DGLUCY: variants seen among roughly 807,000 people sequenced by gnomAD.
The protein encoded by DGLUCY is D-glutamate cyclase, mitochondrial.
Under a neutral mutation model 58.5 loss-of-function variants are expected in DGLUCY, and 58 were observed. That is an observed-to-expected ratio of 0.99 (90% confidence interval 0.80 to 1.23). The LOEUF is 1.23. DGLUCY is among the 50% of genes most tolerant of loss of function. The pLI, the probability that DGLUCY is intolerant of heterozygous loss-of-function variation, is 0.00. For missense variants in DGLUCY, 779 were observed against 784.7 expected (o/e 0.99, Z 0.09); for synonymous variants, 325 against 314.1 (o/e 1.03, Z -0.37).
At chr14:91,172,811 G>A (rs562020112) in intron 5 of DGLUCY, among the ~76,000 whole-genome samples, 1 of 151,952 alleles carries the variant, frequency 6.6e-6, no homozygotes, top group African/African-American at 2.4e-5. Context: ...CATGCCCGGC[G>A]AACTTTTGTA....
chr14:91,093,085 A>T lies in DGLUCY; in HGVS notation c.-82+32381A>T, dbSNP rs376796973. Among the ~76,000 whole-genome samples, 928 of 147,438 alleles carry T rather than the reference A, an allele frequency of 6.3e-3. 4 individuals carry two copies. The highest frequency in any genetic ancestry group is 0.011 in the Middle Eastern group (3 of 280). On this transcript the variant is annotated intron_variant, in intron 1 of 4. Coordinates refer to the DGLUCY transcript ENST00000521334. The stretch of plus-strand genomic sequence containing the variant: ...GGCCACAGAGTGAAACTCAGTCTCA[A>T]AAAAAAAAAAAAAAAGATAATTTGT...
At chr14:91,077,854 T>G in intron 1 of DGLUCY, among the ~76,000 whole-genome samples, 6 of 136,728 alleles carry the variant, frequency 4.4e-5, no homozygotes, top group East Asian at 2.2e-4. Context: ...AAGAGAGGAA[T>G]GAAGGAAGAA....
At chr14:91,085,466 C>T (rs146351496) in intron 1 of DGLUCY, among the ~76,000 whole-genome samples, 16 of 151,912 alleles carry the variant, frequency 1.1e-4, no homozygotes, top group African/African-American at 2.7e-4. Flanking sequence ...TCTTATGAGT[C>T]GGTACAGTTG....
intron 13 of DGLUCY, chr14:91,220,456 G>A (rs1421187073): frequency 8.8e-6 from 4 of 455,998 alleles, no homozygotes; most frequent in Admixed American, 2.3e-5. Flanking sequence ...GGCTGGGGCA[G>A]GTGTCAGGGT....
chr14:91,160,605 C>T (rs760468118), intron 3 of DGLUCY, among the ~76,000 whole-genome samples: 2 of 152,042 alleles, frequency 1.3e-5, no homozygotes, highest in Non-Finnish European at 1.5e-5. Flanking sequence ...GTATGGAAAC[C>T]CATCAGATGG....
chr14:91,160,562 C>T (rs773163781), intron 3 of DGLUCY, among the ~76,000 whole-genome samples, 165 bp downstream of exon 3: 2 of 151,948 alleles, frequency 1.3e-5, no homozygotes, highest in Non-Finnish European at 2.9e-5. Context: ...TTTAACTGCT[C>T]AGAAGAAACT....
At chr14:91,163,945 G>C (rs1468499780) in intron 3 of DGLUCY, among the ~76,000 whole-genome samples, 1 of 152,118 alleles carries the variant, frequency 6.6e-6, no homozygotes, top group Admixed American at 6.6e-5. Flanking sequence ...TTCTCCAATA[G>C]AGCATAATAA....
chr14:91,170,335 T>C, intron 5 of DGLUCY, 134 bp downstream of exon 5: 1 of 988,054 alleles, frequency 1.0e-6, no homozygotes, highest in Non-Finnish European at 1.5e-6. Context: ...CAGCCATTTC[T>C]AGCTGTGCAA....
chr14:91,175,456 C>T (rs1383141308), intron 6 of DGLUCY, among the ~76,000 whole-genome samples: 1 of 152,154 alleles, frequency 6.6e-6, no homozygotes, highest in Non-Finnish European at 1.5e-5. Context: ...GATTCAGGGC[C>T]ACCCACCAGG....
At chr14:91,149,691 T>C (rs1478961299) in intron 1 of DGLUCY, among the ~76,000 whole-genome samples, 1 of 152,250 alleles carries the variant, frequency 6.6e-6, no homozygotes, top group Non-Finnish European at 1.5e-5. Context: ...AGCAAACACG[T>C]GTGCTCTAGT....
Position 91,225,126 on chromosome 14 carries a change from T to G in DGLUCY, c.*293T>G. On this transcript the variant is annotated 3_prime_UTR_variant, in exon 14 of 14. Transcript: ENST00000256324. ...TCTTCAGGCAACCCACGTGGTCTCC[T>G]GTGAGAATCTTCTCGACAGTTACTT... 4.0e-6 allele frequency: 1 copy of G among 252,778 alleles called. No homozygotes were observed. Among genetic ancestry groups the G allele is most frequent in the South Asian group, 1.1e-4 (1 of 8,824 alleles). 15.7% of individuals were successfully genotyped at this position (252,778 alleles called of 1,614,324 possible).
chr14:91,103,471 A>G (rs1450470905), upstream of DGLUCY, among the ~76,000 whole-genome samples: 1 of 152,080 alleles, frequency 6.6e-6, no homozygotes, highest in Admixed American at 6.6e-5. Flanking sequence ...AATAGAAGCC[A>G]ACAGATGGGA....
chr14:91,085,949 A>G (rs556591513), intron 1 of DGLUCY, among the ~76,000 whole-genome samples: 1 of 152,224 alleles, frequency 6.6e-6, no homozygotes, highest in East Asian at 1.9e-4. Flanking sequence ...CCTCTTAGGA[A>G]CTGGGCTGCA....
At position 91,063,824 on chromosome 14, in the gene DGLUCY, G is replaced by C. The variant is rs111449746; in HGVS notation, c.-82+3120G>C. On this transcript the variant is annotated intron_variant, in intron 1 of 4. Coordinates refer to the DGLUCY transcript ENST00000521334. ...ATCCTGTGTGAAGTGGGAAGCAGTA[G>C]AAGGAATTTAAACACAGGAATGATA... 4.1e-3 allele frequency among the ~76,000 whole-genome samples: 620 copies of C among 152,312 alleles called. 4 individuals carry two copies. Among genetic ancestry groups the C allele is most frequent in the African/African-American group, 0.014 (587 of 41,568 alleles).
Position 91,077,808 on chromosome 14 carries a change from GGAGA to G in DGLUCY, c.-82+17111_-82+17114del, listed in dbSNP as rs1298417985. ...AGGGAAGGAGGAAGGAAAGAAGAAA[GGAGA>G]GAGAGAAAGAAAGAGAAAGAGGAAA... On this transcript the variant is annotated intron_variant, in intron 1 of 4. Transcript: ENST00000521334. Among the ~76,000 whole-genome samples the G allele has an allele frequency of 5.2e-4, 77 of 148,010 alleles. 1 individual carries two copies. Among genetic ancestry groups the G allele is most frequent in the African/African-American group, 1.8e-3 (74 of 40,138 alleles).
chr14:91,095,750 C>T (rs1287357570), intron 1 of DGLUCY, among the ~76,000 whole-genome samples: 1 of 152,078 alleles, frequency 6.6e-6, no homozygotes, highest in Non-Finnish European at 1.5e-5. Context: ...CCTTTATACA[C>T]CTCTTCAGTG....
chr14:91,189,565 G>A (rs962583309), intron 9 of DGLUCY, among the ~76,000 whole-genome samples: 1 of 152,324 alleles, frequency 6.6e-6, no homozygotes, highest in East Asian at 1.9e-4. Context: ...CCACCTGGTC[G>A]TGATGGGCAG....
upstream of DGLUCY, among the ~76,000 whole-genome samples, chr14:91,110,433 T>C (rs76945938): frequency 8.0e-6 from 1 of 125,284 alleles, no homozygotes; most frequent in African/African-American, 2.7e-5. Context: ...TTTCTTTCTT[T>C]TTTTTTTTTT....
At chr14:91,077,307 G>A (rs910527580) in intron 1 of DGLUCY, among the ~76,000 whole-genome samples, 4 of 150,294 alleles carry the variant, frequency 2.7e-5, no homozygotes, top group Non-Finnish European at 5.9e-5. Context: ...AGAAGAAAGC[G>A]AGGGAGGAAG....
Sources: gnomAD v4.1 joint callset for allele counts (sites outside exome capture counted in the v4.1 genomes callset) on GRCh38, gnomAD v4.1.1 for gene constraint, MANE v1.5 for transcripts, NCBI Gene and HGNC (gene_info 2026-07-23, HGNC 2026-07-21) for gene names.